Variants in RANBP2 observed in about 807,000 individuals in gnomAD.
RANBP2 encodes E3 SUMO-protein ligase RanBP2.
A neutral mutation model predicts 303.6 loss-of-function variants in RANBP2; 57 were observed. The ratio of observed to expected loss-of-function variants is 0.19; its 90% CI spans 0.15 to 0.23. The LOEUF (loss-of-function observed/expected upper bound fraction) is 0.23, where lower values mean the gene tolerates loss of function less well. Among genes scored for constraint, RANBP2 ranks in the 10% least tolerant of loss-of-function variants. RANBP2 has a pLI of 1.00. For missense variants in RANBP2, 3,138 were observed against 3,780.8 expected (o/e 0.83, Z 4.46); for synonymous variants, 1,167 against 1,301.5 (o/e 0.90, Z 2.23).
At chr2:108,874,597 A>G in the RANBP2 span, among the ~76,000 whole-genome samples, 3 of 152,320 alleles carry the variant, frequency 2.0e-5, no homozygotes, top group South Asian at 2.1e-4. Context: ...AGATTTTACC[A>G]GGCTTCCATA....
chr2:109,614,807 C>T, the RANBP2 span: 3 of 1,465,900 alleles, frequency 2.0e-6, no homozygotes, highest in Non-Finnish European at 2.7e-6. Flanking sequence ...CCGAGGCCCC[C>T]GACGGCCCTG....
chr2:108,852,402 A>G, the RANBP2 span, among the ~76,000 whole-genome samples: 1 of 152,212 alleles, frequency 6.6e-6, no homozygotes, highest in Non-Finnish European at 1.5e-5. Context: ...ATTACTGGGT[A>G]TATACCCAAA....
chr2:109,014,859 C>T, the RANBP2 span, among the ~76,000 whole-genome samples: 1 of 152,238 alleles, frequency 6.6e-6, no homozygotes, highest in East Asian at 1.9e-4. Context: ...CGGTGGCTCA[C>T]GCCTGTAATC....
chr2:109,356,679 T>TA, the RANBP2 span, among the ~76,000 whole-genome samples: 2 of 152,162 alleles, frequency 1.3e-5, no homozygotes, highest in Non-Finnish European at 2.9e-5. Flanking sequence ...TGCTGAACAC[T>TA]AGTAGTGATG....
At chr2:109,021,839 C>A in the RANBP2 span, among the ~76,000 whole-genome samples, 1 of 152,146 alleles carries the variant, frequency 6.6e-6, no homozygotes, top group Non-Finnish European at 1.5e-5. Flanking sequence ...CGAACAAAAT[C>A]GCTTTCAGGA....
the RANBP2 span, among the ~76,000 whole-genome samples, chr2:109,708,179 A>G: frequency 6.6e-6 from 1 of 152,058 alleles, no homozygotes; most frequent in African/African-American, 2.4e-5. Context: ...GCAACATGGC[A>G]AAACCCCATC....
the RANBP2 span, among the ~76,000 whole-genome samples, chr2:109,524,527 T>C: frequency 6.8e-6 from 1 of 147,038 alleles, no homozygotes; most frequent in Admixed American, 6.8e-5. Flanking sequence ...GAGGCCGAGG[T>C]AGGCAGATTA....
At chr2:109,042,327 G>A in the RANBP2 span, among the ~76,000 whole-genome samples, 5 of 152,240 alleles carry the variant, frequency 3.3e-5, no homozygotes, top group Admixed American at 2.6e-4. Flanking sequence ...ATTTATGTTT[G>A]ACTTTTTTTC....
chr2:108,737,901 A>G (rs1385640635), intron 6 of RANBP2, among the ~76,000 whole-genome samples: 2 of 151,076 alleles, frequency 1.3e-5, no homozygotes, highest in African/African-American at 4.9e-5. Flanking sequence ...TTTTTAGTAG[A>G]GACGGGGTTT....
chr2:109,240,560 C>T, the RANBP2 span, among the ~76,000 whole-genome samples: 3 of 152,114 alleles, frequency 2.0e-5, no homozygotes, highest in Non-Finnish European at 4.4e-5. Context: ...TAGCAGAGTC[C>T]CCTGGTGTGG....
At chr2:109,686,743 CTGGG>C in the RANBP2 span, among the ~76,000 whole-genome samples, 26 of 152,140 alleles carry the variant, frequency 1.7e-4, no homozygotes, top group Admixed American at 3.9e-4. Context: ...TCCTGAGTAG[CTGGG>C]ACCAGATGTG....
the RANBP2 span, among the ~76,000 whole-genome samples, chr2:108,900,927 A>G: frequency 1.3e-5 from 2 of 152,208 alleles, no homozygotes; most frequent in Non-Finnish European, 2.9e-5. Flanking sequence ...GAAAGAAGAG[A>G]TAAGTCCACA....
chr2:109,560,154 T>A, the RANBP2 span, among the ~76,000 whole-genome samples: 1 of 152,114 alleles, frequency 6.6e-6, no homozygotes. Flanking sequence ...TCTCCTGACC[T>A]CGTGATCCGC....
the RANBP2 span, among the ~76,000 whole-genome samples, chr2:109,013,582 A>G: frequency 6.6e-6 from 1 of 151,706 alleles, no homozygotes; most frequent in African/African-American, 2.4e-5. Flanking sequence ...GTGCAAGGCA[A>G]TCTCTTTCCA....
At chr2:109,111,358 C>T in the RANBP2 span, among the ~76,000 whole-genome samples, 1 of 152,152 alleles carries the variant, frequency 6.6e-6, no homozygotes, top group Non-Finnish European at 1.5e-5. Flanking sequence ...TGGTGTTATA[C>T]ACCCATTGCA....
chr2:109,198,417 C>G, the RANBP2 span, among the ~76,000 whole-genome samples: 1 of 152,186 alleles, frequency 6.6e-6, no homozygotes, highest in Non-Finnish European at 1.5e-5. Context: ...TAGAGGGGCA[C>G]AGTGGGCTAC....
At chr2:109,315,329 T>A in the RANBP2 span, among the ~76,000 whole-genome samples, 1 of 152,220 alleles carries the variant, frequency 6.6e-6, no homozygotes, top group Non-Finnish European at 1.5e-5. Flanking sequence ...AGTTCTTAAC[T>A]AATGCCAAGC....
At chr2:109,347,791 T>G in the RANBP2 span, 1 of 1,613,808 alleles carries the variant, frequency 6.2e-7, no homozygotes, top group African/African-American at 1.3e-5. Flanking sequence ...GGATGAACAG[T>G]GGTACCACGG....
chr2:109,159,072 G>A, the RANBP2 span, among the ~76,000 whole-genome samples: 4 of 152,204 alleles, frequency 2.6e-5, no homozygotes, highest in Non-Finnish European at 2.9e-5. Flanking sequence ...AACCCAGATC[G>A]CACCACTGCA....
Sources: gnomAD v4.1 joint callset for allele counts (sites outside exome capture counted in the v4.1 genomes callset) on GRCh38, gnomAD v4.1.1 for gene constraint, MANE v1.5 for transcripts, NCBI Gene and HGNC (gene_info 2026-07-23, HGNC 2026-07-21) for gene names.